The following PLEKHH2 variants were observed in gnomAD, a reference collection of about 807,000 sequenced individuals.
PLEKHH2 encodes pleckstrin homology domain-containing family H member 2.
A neutral mutation model predicts 187.9 loss-of-function variants in PLEKHH2; 129 were observed. The observed-to-expected ratio is 0.69, with a 90% CI of 0.59 to 0.79. The LOEUF (loss-of-function observed/expected upper bound fraction) is 0.79, where lower values mean the gene tolerates loss of function less well. Ranked by LOEUF, PLEKHH2 falls within the 30% of genes least tolerant of loss-of-function variation. The pLI is 0.00. For synonymous variants in PLEKHH2, 686 were observed against 605.6 expected, an observed-to-expected ratio of 1.13 and a Z score of -1.95; for missense variants, 2,076 against 1,751.2, an observed-to-expected ratio of 1.19 and a Z score of -3.31.
chr2:43,709,825 A>T (rs1432227389), intron 11 of PLEKHH2, among the ~76,000 whole-genome samples, 165 bp from the exon 12 acceptor site: 1 of 152,094 alleles, frequency 6.6e-6, no homozygotes. Flanking sequence ...ACAGAGCGAG[A>T]CTCTGTCTCA....
chr2:43,651,675 G>C (rs1415232608), intron 2 of PLEKHH2, among the ~76,000 whole-genome samples: 1 of 152,026 alleles, frequency 6.6e-6, no homozygotes, highest in Non-Finnish European at 1.5e-5. Context: ...AACTAAAAGG[G>C]CATTAGGGAA....
intron 23 of PLEKHH2, among the ~76,000 whole-genome samples, chr2:43,745,196 G>C (rs997346639): frequency 1.3e-5 from 2 of 152,074 alleles, no homozygotes; most frequent in Non-Finnish European, 2.9e-5. Flanking sequence ...GGTGCCTGTA[G>C]TCTCAGCTAC....
At chr2:43,745,052 G>A (rs1312510014) in intron 23 of PLEKHH2, among the ~76,000 whole-genome samples, 1 of 151,896 alleles carries the variant, frequency 6.6e-6, no homozygotes, top group Non-Finnish European at 1.5e-5. Context: ...GGTGGCTCAC[G>A]CCTGTAATCC....
intron 28 of PLEKHH2, among the ~76,000 whole-genome samples, chr2:43,763,479 G>T (rs1259638665): frequency 6.6e-6 from 1 of 151,864 alleles, no homozygotes; most frequent in South Asian, 2.1e-4. Flanking sequence ...AAGTGCGGTG[G>T]TGTGATCACT....
chr2:43,643,266 T>A (rs2104322473), intron 1 of PLEKHH2, among the ~76,000 whole-genome samples: 1 of 152,116 alleles, frequency 6.6e-6, no homozygotes, highest in Non-Finnish European at 1.5e-5. Context: ...AACAAAGAAA[T>A]GAAAATAAAA....
In PLEKHH2 at chr2:43,710,483, A is replaced by C. The variant is rs1005717302; in HGVS notation, c.2215-6A>C. 6.3e-7 allele frequency: 1 copy of C among 1,595,546 alleles called. No individual in the cohort carries two copies. Among genetic ancestry groups the C allele is most frequent in the African/African-American group, 1.4e-5 (1 of 73,348 alleles). ...CACTTTCCATTTGTTTTTCTGTTTC[A>C]TACAGAGTGATGTAATTAGAAAACC... On this transcript the variant is annotated splice_region_variant and splice_polypyrimidine_tract_variant and intron_variant, in intron 13 of 29. Transcript: ENST00000282406.
intron 25 of PLEKHH2, among the ~76,000 whole-genome samples, chr2:43,754,545 G>A (rs1489156683): frequency 3.3e-5 from 5 of 152,192 alleles, no homozygotes; most frequent in Non-Finnish European, 7.3e-5. Flanking sequence ...TCCGGGGAAT[G>A]TGGTCTCAGC....
At chr2:43,646,164 A>G (rs896762381) in intron 2 of PLEKHH2, among the ~76,000 whole-genome samples, 3 of 152,200 alleles carry the variant, frequency 2.0e-5, no homozygotes, top group Non-Finnish European at 4.4e-5. Context: ...TTGATATTAC[A>G]TCAAAATTAT....
intron 3 of PLEKHH2, among the ~76,000 whole-genome samples, chr2:43,691,410 G>T (rs182299278): frequency 2.0e-5 from 3 of 152,352 alleles, no homozygotes; most frequent in South Asian, 2.1e-4. Flanking sequence ...AGCAAAAAAG[G>T]TTAAAGTAAA....
intron 1 of PLEKHH2, among the ~76,000 whole-genome samples, chr2:43,643,857 A>G (rs1270384386): frequency 6.6e-6 from 1 of 152,064 alleles, no homozygotes; most frequent in Non-Finnish European, 1.5e-5. Flanking sequence ...ATCAAGTAAC[A>G]CTTCAAAATT....
Position 43,681,617 on chromosome 2 carries a change from G to A in PLEKHH2, c.186+2692G>A, listed in dbSNP as rs1572545074. On this transcript the variant is annotated intron_variant, in intron 3 of 29. Coordinates refer to ENST00000282406, the MANE Select transcript of PLEKHH2 (RefSeq NM_172069.4). ...CTCTTTTTGGAGCTGTACACGATAT[G>A]ACACAATATGCATTTTTGTTCTCCT... 24 of 704,752 alleles carry A rather than the reference G, an allele frequency of 3.4e-5. No individual in the cohort carries two copies. The South Asian group carries it at 3.7e-4, about 11-fold the overall frequency. The allele number at this position is 704,752 out of a possible 1,614,324, so 43.7% of individuals were successfully genotyped here. A position where few individuals can be genotyped will look rare whatever the true frequency, so the allele number is the denominator to read the frequency against.
At chr2:43,749,036 C>T (rs1336110559) in intron 24 of PLEKHH2, among the ~76,000 whole-genome samples, 1 of 152,194 alleles carries the variant, frequency 6.6e-6, no homozygotes, top group Non-Finnish European at 1.5e-5. Context: ...GGATTACAGG[C>T]ATGAGCCACT....
At position 43,655,529 on chromosome 2, in the gene PLEKHH2, T is replaced by TTACATACATACA. The variant is rs1666711351; in HGVS notation, c.123+10734_123+10735insACATACATACAT. On this transcript the variant is annotated intron_variant, in intron 2 of 29. Transcript: ENST00000282406. Reference sequence around the variant, plus strand: ...CTTAAAATTTAGGTAATTATGTATCTTTGATGGACAATGGAAGATGCTAAA... The same window carrying TTACATACATACA: ...CTTAAAATTTAGGTAATTATGTATCTTACATACATACATTGATGGACAATGGAAGATGCTAAA... Among the ~76,000 whole-genome samples the TTACATACATACA allele has an allele frequency of 2.0e-5, 3 of 152,226 alleles. No individual in the cohort carries two copies. In the South Asian group the frequency reaches 6.2e-4, roughly 32 times the overall value.
At chr2:43,645,451 C>G (rs1290824220) in intron 2 of PLEKHH2, among the ~76,000 whole-genome samples, 1 of 152,104 alleles carries the variant, frequency 6.6e-6, no homozygotes, top group Non-Finnish European at 1.5e-5. Context: ...AACCCATATT[C>G]CTATTTCCAG....
intron 2 of PLEKHH2, among the ~76,000 whole-genome samples, chr2:43,668,212 A>G (rs1417617087): frequency 6.6e-6 from 1 of 152,076 alleles, no homozygotes; most frequent in African/African-American, 2.4e-5. Context: ...TTTGTGTTTT[A>G]ATAGAGACAA....
chr2:43,731,437 G>A, intron 18 of PLEKHH2, 53 bp from the exon 19 acceptor site: 1 of 1,167,982 alleles, frequency 8.6e-7, no homozygotes, highest in Non-Finnish European at 1.3e-6. Context: ...TTAATAAGAG[G>A]CCACAATAAG....
intron 1 of PLEKHH2, among the ~76,000 whole-genome samples, chr2:43,638,520 C>T (rs1308567487): frequency 1.3e-5 from 2 of 152,142 alleles, no homozygotes; most frequent in African/African-American, 4.8e-5. Context: ...GTAAATACTT[C>T]CAAAAATCAC....
At chr2:43,669,981 A>G (rs1466120799) in intron 2 of PLEKHH2, among the ~76,000 whole-genome samples, 1 of 152,254 alleles carries the variant, frequency 6.6e-6, no homozygotes, top group African/African-American at 2.4e-5. Context: ...GTGTAATTTA[A>G]GAAACGTTTA....
rs150499211 is a variant in PLEKHH2, at chr2:43,767,210, G to A, written c.*1612G>A. On this transcript the variant is annotated 3_prime_UTR_variant, in exon 30 of 30. Transcript: ENST00000282406. ...CTTTGTCATTTTTTTTAACCAATTT[G>A]AGAAATGTTAGCTGCTGAATTAATT... 2 of 152,092 alleles carry A rather than the reference G, an allele frequency of 1.3e-5. No homozygotes were observed. The highest frequency in any genetic ancestry group is 3.8e-4 in the East Asian group (2 of 5,228). 9.4% of individuals were successfully genotyped at this position (152,092 alleles called of 1,614,324 possible).
Sources: allele counts gnomAD v4.1 joint callset (sites outside exome capture counted in the v4.1 genomes callset), GRCh38; gene constraint gnomAD v4.1.1; transcripts MANE v1.5; gene names NCBI Gene and HGNC (gene_info 2026-07-23, HGNC 2026-07-21).